Variants in TCF3 observed in about 807,000 individuals in gnomAD.
TCF3 encodes the protein transcription factor E2-alpha.
Under a neutral mutation model 72.3 loss-of-function variants are expected in TCF3, and 54 were observed. The observed-to-expected ratio is 0.75, with a 90% CI of 0.60 to 0.94. The LOEUF is 0.94. Among genes scored for constraint, TCF3 ranks in the 40% least tolerant of loss-of-function variants. TCF3 has a pLI of 0.00. For synonymous variants in TCF3, 525 were observed against 412.6 expected (o/e 1.27, Z -3.30); for missense variants, 1,078 against 934.4 (o/e 1.15, Z -2.00).
chr19:1,650,141 A>AG, intron 2 of TCF3, 36 bp downstream of exon 2: 1 of 1,520,276 alleles, frequency 6.6e-7, no homozygotes, highest in East Asian at 2.5e-5. Flanking sequence ...GTGGAGGCAA[A>AG]GGGGTGTCGG....
chr19:1,611,034 G>GA lies in TCF3; in HGVS notation c.*672dup. ...AATGCTCAGTCTAGGAACAGCAGCA[G>GA]AAATAGCGAGAGACACGGGACTTTT... On this transcript the variant is annotated 3_prime_UTR_variant, in exon 19 of 19. Coordinates refer to ENST00000262965, the MANE Select transcript of TCF3 (RefSeq NM_003200.5). 1 of 225,348 alleles carries GA rather than the reference G, an allele frequency of 4.4e-6. No individual in the cohort carries two copies. The allele number at this position is 225,348 out of a possible 1,614,324, so 14.0% of individuals were successfully genotyped here. A position where few individuals can be genotyped will look rare whatever the true frequency, so the allele number is the denominator to read the frequency against.
At chr19:1,626,130 C>T (rs558587145) in intron 6 of TCF3, among the ~76,000 whole-genome samples, 3 of 152,104 alleles carry the variant, frequency 2.0e-5, no homozygotes, top group Admixed American at 6.5e-5. Context: ...TGCCCTGAGC[C>T]GGGTCCCGGA....
intron 3 of TCF3, among the ~76,000 whole-genome samples, chr19:1,641,699 C>T (rs2065266925): frequency 1.3e-5 from 2 of 152,122 alleles, no homozygotes; most frequent in South Asian, 4.1e-4. Context: ...GTGATCCACA[C>T]ACCCTGGCTT....
intron 3 of TCF3, among the ~76,000 whole-genome samples, chr19:1,632,631 T>C (rs2063846970): frequency 1.3e-5 from 2 of 151,974 alleles, no homozygotes; most frequent in Non-Finnish European, 2.9e-5. Context: ...AATTAACTCT[T>C]CCGTCGGCTC....
At chr19:1,616,535 A>ACCTAAT (rs2061564689) in intron 16 of TCF3, 1 of 152,160 alleles carries the variant, frequency 6.6e-6, no homozygotes, top group Non-Finnish European at 1.5e-5. Context: ...ACCCTTGTGC[A>ACCTAAT]GATGCTATGC....
intron 6 of TCF3, 140 bp downstream of exon 6, chr19:1,627,219 T>G: frequency 6.1e-5 from 6 of 99,100 alleles, no homozygotes; most frequent in East Asian, 2.5e-4. Flanking sequence ...CAGCCCACCC[T>G]GGCCCAAGCC....
chr19:1,630,627 A>G (rs1334662040), intron 5 of TCF3, among the ~76,000 whole-genome samples: 1 of 152,202 alleles, frequency 6.6e-6, no homozygotes, highest in East Asian at 1.9e-4. Context: ...CCCCCACTGC[A>G]CCACGAAAAG....
chr19:1,625,207 G>A (rs1175639359), intron 7 of TCF3, among the ~76,000 whole-genome samples: 4 of 152,238 alleles, frequency 2.6e-5, no homozygotes, highest in African/African-American at 4.8e-5. Context: ...TCCTGAGCCC[G>A]AGGCTGTGAC....
chr19:1,641,785 G>T (rs559367964), intron 3 of TCF3, among the ~76,000 whole-genome samples: 3 of 152,050 alleles, frequency 2.0e-5, no homozygotes, highest in African/African-American at 7.2e-5. Flanking sequence ...CAGAGACAGG[G>T]TTTCTCCATG....
chr19:1,651,963 C>T (rs1306742275), intron 1 of TCF3, among the ~76,000 whole-genome samples: 1 of 151,074 alleles, frequency 6.6e-6, no homozygotes, highest in South Asian at 2.1e-4. Context: ...TCCCCGTGCG[C>T]CCGGGCTGGG....
chr19:1,642,196 A>G (rs973670507), intron 3 of TCF3, among the ~76,000 whole-genome samples: 1 of 114,482 alleles, frequency 8.7e-6, no homozygotes, highest in African/African-American at 3.0e-5. Flanking sequence ...GCAGACACAG[A>G]CGCAGACACG....
chr19:1,633,361 A>T (rs2063952142), intron 3 of TCF3, among the ~76,000 whole-genome samples: 1 of 152,080 alleles, frequency 6.6e-6, no homozygotes, highest in Non-Finnish European at 1.5e-5. Context: ...TCCAACTCCC[A>T]AGTCCAGAGG....
chr19:1,644,877 G>A (rs2065852206), intron 3 of TCF3, among the ~76,000 whole-genome samples: 1 of 152,058 alleles, frequency 6.6e-6, no homozygotes, highest in Non-Finnish European at 1.5e-5. Context: ...ACGGCCTTGG[G>A]AGTTGCGCTT....
intron 2 of TCF3, among the ~76,000 whole-genome samples, chr19:1,647,124 G>A (rs2066238687): frequency 6.6e-6 from 1 of 152,214 alleles, no homozygotes; most frequent in South Asian, 2.1e-4. Context: ...AGCTGATCCA[G>A]CTCCTGGGTG....
At chr19:1,620,423 G>C (rs1465387407) in intron 13 of TCF3, among the ~76,000 whole-genome samples, 2 of 152,158 alleles carry the variant, frequency 1.3e-5, no homozygotes, top group African/African-American at 4.8e-5. Flanking sequence ...TCCCATGCCG[G>C]AGCACCGCAC....
chr19:1,644,561 T>C (rs777542803), intron 3 of TCF3, among the ~76,000 whole-genome samples: 1 of 152,150 alleles, frequency 6.6e-6, no homozygotes, highest in Non-Finnish European at 1.5e-5. Flanking sequence ...ACCTGCAGCA[T>C]TGGGGCAGGG....
At chr19:1,642,767 C>T (rs1433442357) in intron 3 of TCF3, among the ~76,000 whole-genome samples, 3 of 152,162 alleles carry the variant, frequency 2.0e-5, no homozygotes, top group Non-Finnish European at 4.4e-5. Flanking sequence ...CCACCGCGCC[C>T]GGTCACAAGG....
intron 5 of TCF3, among the ~76,000 whole-genome samples, chr19:1,629,255 C>A (rs2063386879): frequency 1.3e-5 from 2 of 151,984 alleles, no homozygotes; most frequent in Non-Finnish European, 2.9e-5. Context: ...TTTGTCTGTC[C>A]CAGGGGACAG....
chr19:1,651,808 C>G (rs1443935145), intron 1 of TCF3, among the ~76,000 whole-genome samples: 1 of 151,398 alleles, frequency 6.6e-6, no homozygotes, highest in Non-Finnish European at 1.5e-5. Context: ...CGCCCCCCCC[C>G]GGCCCGCCCG....
Sources: gnomAD v4.1 joint callset for allele counts (sites outside exome capture counted in the v4.1 genomes callset) on GRCh38, gnomAD v4.1.1 for gene constraint, MANE v1.5 for transcripts, NCBI Gene and HGNC (gene_info 2026-07-23, HGNC 2026-07-21) for gene names.